The following HYLS1 variants were observed in gnomAD, a reference collection of about 807,000 sequenced individuals.
HYLS1 encodes the protein HYLS1 centriolar and ciliogenesis associated, also known as centriolar and ciliogenesis-associated protein HYLS1.
Under a neutral mutation model 29.4 loss-of-function variants are expected in HYLS1, and 25 were observed. The ratio of observed to expected loss-of-function variants is 0.85; its 90% CI spans 0.62 to 1.19. The LOEUF is 1.19. Ranked by LOEUF, HYLS1 falls within the 50% of genes most tolerant of loss-of-function variation. HYLS1 has a pLI of 0.00. For synonymous variants in HYLS1, 128 were observed against 126.7 expected, an observed-to-expected ratio of 1.01 and a Z score of -0.07; for missense variants, 352 against 365.1, an observed-to-expected ratio of 0.96 and a Z score of 0.29.
rs1250649255 is a variant in HYLS1 at position 125,892,647 on chromosome 11, CT to C, written c.-26+1177del. On this transcript the variant is annotated intron_variant, in intron 2 of 2. Transcript: ENST00000425380. The stretch of plus-strand genomic sequence containing the variant: ...ACTTTCTTAATCTTAAATTCATCTA[CT>C]TCTGTCCATTTGCCTCACTAAAAAT... Among the ~76,000 whole-genome samples, 23 of 152,316 alleles carry C rather than the reference CT, an allele frequency of 1.5e-4. No homozygotes were observed. In the East Asian group the frequency reaches 4.2e-3, roughly 28 times the overall value.
In HYLS1 at chr11:125,900,322, C is replaced by A; in HGVS notation, c.*54C>A. On this transcript the variant is annotated 3_prime_UTR_variant, in exon 3 of 3. Transcript: ENST00000425380. ...TTTGAGATAACCTAGCTCTTTATAT[C>A]TTCCCTTTTAAATAGAAACAACTGT... 6.5e-7 allele frequency: 1 copy of A among 1,534,700 alleles called. No individual in the cohort carries two copies. The highest frequency in any genetic ancestry group is 9.0e-7 in the Non-Finnish European group (1 of 1,109,494).
In HYLS1 at chr11:125,899,191, C is replaced by T. The variant is rs530394670; in HGVS notation, c.-25-153C>T. ...ATTCCCTAGAACTGAGTTAATGCCCCTCTAAACTGTTCTGATACTACCCTG... is the reference window on the plus strand; with the variant it reads ...ATTCCCTAGAACTGAGTTAATGCCCTTCTAAACTGTTCTGATACTACCCTG... On this transcript the variant is annotated intron_variant, in intron 2 of 2. Transcript: ENST00000425380. The T allele has an allele frequency of 4.9e-6, 3 of 610,150 alleles. No homozygotes were observed. The African/African-American group carries it at 5.5e-5, about 11-fold the overall frequency. The allele number at this position is 610,150 out of a possible 1,614,324, so 37.8% of individuals were successfully genotyped here. A position where few individuals can be genotyped will look rare whatever the true frequency, so the allele number is the denominator to read the frequency against.
rs1944690975 is a variant in HYLS1, at chr11:125,899,440, T to C, written c.72T>C (p.Ala24=). ...MDPEERMLAA[A]TAFTHICAGQ... is the part of the protein sequence containing the mutation. ...CAGAAGAACGAATGTTGGCAGCTGC[T>C]ACAGCTTTTACCCACATCTGTGCAG... The change falls in exon 3 of 3, where the codon GCT becomes GCC. Residue 24 remains alanine, a synonymous_variant. Coordinates refer to ENST00000425380, the MANE Select transcript of HYLS1 (RefSeq NM_001134793.2). 2 of 1,614,094 alleles carry C rather than the reference T, an allele frequency of 1.2e-6. No homozygotes were observed. Among genetic ancestry groups the C allele is most frequent in the Non-Finnish European group, 8.5e-7 (1 of 1,180,028 alleles).
chr11:125,896,438 T>G, intron 2 of HYLS1: 2 of 781,974 alleles, frequency 2.6e-6, no homozygotes, highest in Non-Finnish European at 4.0e-6. Context: ...CTTTTGCTTT[T>G]CCAGGAATAC....
chr11:125,899,271 G>A (rs1343933334), intron 2 of HYLS1, 73 bp from the exon 3 acceptor site: 17 of 1,031,920 alleles, frequency 1.6e-5, no homozygotes, highest in East Asian at 2.4e-5. Flanking sequence ...GCTATAAAAC[G>A]GAGATAAGGG....
At chr11:125,885,721 CA>C (rs1316049290), upstream of HYLS1, among the ~76,000 whole-genome samples, 1 of 152,266 alleles carries the variant, frequency 6.6e-6, no homozygotes, top group African/African-American at 2.4e-5. Context: ...GGCCGCAAGG[CA>C]GGGGGTAAGC....
chr11:125,887,725 C>G lies in HYLS1; in HGVS notation c.-116C>G, dbSNP rs1412602795. 1 of 152,310 alleles carries G rather than the reference C, an allele frequency of 6.6e-6. No individual in the cohort carries two copies. The highest frequency in any genetic ancestry group is 1.5e-5 in the Non-Finnish European group (1 of 68,070). The allele number at this position is 152,310 out of a possible 1,614,324, so 9.4% of individuals were successfully genotyped here. On this transcript the variant is annotated 5_prime_UTR_variant, in exon 1 of 3. Coordinates refer to ENST00000425380, the MANE Select transcript of HYLS1 (RefSeq NM_001134793.2). ...AGAATCTGCGGTGCTCTGCTGGCGA[C>G]TGGCAGGACGCGGTGCAGAGAGCGG...
At chr11:125,890,626 G>A (rs530421308) in intron 1 of HYLS1, among the ~76,000 whole-genome samples, 1 of 152,176 alleles carries the variant, frequency 6.6e-6, no homozygotes, top group African/African-American at 2.4e-5. Flanking sequence ...CTAGGATGCT[G>A]AGTCACTAAG....
intron 1 of HYLS1, among the ~76,000 whole-genome samples, chr11:125,890,014 G>C (rs1436988920): frequency 6.6e-6 from 1 of 152,164 alleles, no homozygotes; most frequent in Non-Finnish European, 1.5e-5. Context: ...TCATAGCTCA[G>C]TGCAGCCTCA....
At chr11:125,893,968 T>C in intron 2 of HYLS1, 2 of 1,614,202 alleles carry the variant, frequency 1.2e-6, no homozygotes, top group Non-Finnish European at 1.7e-6. Flanking sequence ...ATTCCAGTCC[T>C]TGGCATTTAG....
intron 1 of HYLS1, among the ~76,000 whole-genome samples, chr11:125,888,934 G>C (rs1944360433): frequency 2.0e-5 from 3 of 152,030 alleles, no homozygotes; most frequent in African/African-American, 7.3e-5. Flanking sequence ...GCAACATTTA[G>C]TACGTGTAAA....
chr11:125,888,568 AGACCAGCCC>A lies in HYLS1; in HGVS notation c.-76+809_-76+817del, dbSNP rs1304624734. On this transcript the variant is annotated intron_variant, in intron 1 of 2. Coordinates refer to ENST00000425380, the MANE Select transcript of HYLS1 (RefSeq NM_001134793.2). ...CGGATCACGTGAGGTCAGGAGTTCGAGACCAGCCCGACCAATACGGTGAAACCCCGTCTC... is the reference window on the plus strand; with the variant it reads ...CGGATCACGTGAGGTCAGGAGTTCGAGACCAATACGGTGAAACCCCGTCTC... Among the ~76,000 whole-genome samples, 7 of 152,116 alleles carry A rather than the reference AGACCAGCCC, an allele frequency of 4.6e-5. No individual in the cohort carries two copies. In the South Asian group the frequency reaches 1.5e-3, roughly 32 times the overall value.
upstream of HYLS1, among the ~76,000 whole-genome samples, chr11:125,885,470 A>T (rs1022033745): frequency 6.6e-5 from 10 of 152,100 alleles, no homozygotes; most frequent in African/African-American, 2.4e-4. Context: ...TAAAAAAAAA[A>T]GAAAAAGAAA....
upstream of HYLS1, among the ~76,000 whole-genome samples, chr11:125,886,572 ATTTTT>A (rs68098484): frequency 4.3e-3 from 504 of 117,400 alleles, 6 homozygotes; most frequent in African/African-American, 0.016. Flanking sequence ...CAAGCACTAG[ATTTTT>A]TTTTTTTTTT....
rs79101727 is a variant in HYLS1, at chr11:125,893,096, T to C, written c.-26+1624T>C. On this transcript the variant is annotated intron_variant, in intron 2 of 2. Coordinates refer to ENST00000425380, the MANE Select transcript of HYLS1 (RefSeq NM_001134793.2). ...TATCTCCTCTATAAGAACTTGCCTA[T>C]AGTCACTAGCCCAAGGCTTGGCAAA... Among the ~76,000 whole-genome samples, 1,242 of 152,342 alleles carry C rather than the reference T, an allele frequency of 8.2e-3. 19 individuals carry two copies. The highest frequency in any genetic ancestry group is 0.026 in the African/African-American group (1,075 of 41,584).
At chr11:125,895,742 G>A (rs375722027) in intron 2 of HYLS1, 47 of 1,610,528 alleles carry the variant, frequency 2.9e-5, no homozygotes, top group East Asian at 4.5e-5. Context: ...TAAAGTCCTC[G>A]GAATCCCTGC....
upstream of HYLS1, chr11:125,883,905 G>A (rs1170232998): frequency 2.0e-5 from 3 of 152,192 alleles, no homozygotes; most frequent in Non-Finnish European, 4.4e-5. Flanking sequence ...CAAGCATGAT[G>A]ATACAACCAG....
At position 125,893,722 on chromosome 11, in the gene HYLS1, T is replaced by C. The variant is rs1944479517; in HGVS notation, c.-26+2250T>C. ...CCTAGTACTTGCAAGTAAATTTTTTTTTTTTTCCTTTTCTGTCCACCTACC... is the reference window on the plus strand; with the variant it reads ...CCTAGTACTTGCAAGTAAATTTTTTCTTTTTTCCTTTTCTGTCCACCTACC... On this transcript the variant is annotated intron_variant, in intron 2 of 2. Transcript: ENST00000425380. 4.3e-6 allele frequency: 6 copies of C among 1,406,770 alleles called. No individual in the cohort carries two copies. The African/African-American group carries it at 7.2e-5, about 17-fold the overall frequency. 87.1% of individuals were successfully genotyped at this position (1,406,770 alleles called of 1,614,324 possible). A position where few individuals can be genotyped will look rare whatever the true frequency, so the allele number is the denominator to read the frequency against.
In HYLS1 at chr11:125,899,675, C is replaced by T; in HGVS notation, c.307C>T (p.Pro103Ser). The change falls in exon 3 of 3, where the codon CCA (proline) becomes TCA (serine). Residue 103 changes from proline (P) to serine (S), a missense_variant. Pro to Ser is a moderately conservative substitution (Grantham distance 74). Coordinates refer to ENST00000425380, the MANE Select transcript of HYLS1 (RefSeq NM_001134793.2). ...VMKRKVLRRK[P>S]DGEVLVTDES... Reference sequence around the variant, plus strand: ...GAAGAGAAAGGTGCTGCGCAGAAAGCCAGATGGGGAAGTATTAGTAACAGA... The same window carrying T: ...GAAGAGAAAGGTGCTGCGCAGAAAGTCAGATGGGGAAGTATTAGTAACAGA... The T allele has an allele frequency of 1.2e-6, 2 of 1,614,164 alleles. No individual in the cohort carries two copies. The highest frequency in any genetic ancestry group is 2.2e-5 in the South Asian group (2 of 91,076).
Sources: gnomAD v4.1 joint callset for allele counts (sites outside exome capture counted in the v4.1 genomes callset) on GRCh38, gnomAD v4.1.1 for gene constraint, MANE v1.5 for transcripts, NCBI Gene and HGNC (gene_info 2026-07-23, HGNC 2026-07-21) for gene names.